Variants in WDPCP observed in about 807,000 individuals in gnomAD.
WDPCP encodes the protein WD repeat containing planar cell polarity effector, also known as WD repeat-containing and planar cell polarity effector protein fritz homolog.
In WDPCP, 71 loss-of-function variants were observed where a neutral mutation model predicts 93.1. The observed-to-expected ratio is 0.76, with a 90% CI of 0.63 to 0.93. WDPCP has a LOEUF of 0.93. Ranked by LOEUF, WDPCP falls within the 40% of genes least tolerant of loss-of-function variation. The probability of loss-of-function intolerance (pLI) is 0.00; values close to 1 mark genes in which losing one functional copy is unlikely to be tolerated. For missense variants in WDPCP, 844 were observed against 887.4 expected, an observed-to-expected ratio of 0.95 and a Z score of 0.62; for synonymous variants, 315 against 315.0, an observed-to-expected ratio of 1.00 and a Z score of 0.00.
intron 6 of WDPCP, among the ~76,000 whole-genome samples, chr2:63,462,533 T>C (rs1699086236): frequency 6.6e-6 from 1 of 151,992 alleles, no homozygotes. Flanking sequence ...AAATAAAAAA[T>C]CATTCTGACT....
intron 2 of WDPCP, among the ~76,000 whole-genome samples, chr2:63,763,810 A>G (rs1222842065): frequency 6.6e-6 from 1 of 152,158 alleles, no homozygotes; most frequent in African/African-American, 2.4e-5. Flanking sequence ...TTTTAAAAAT[A>G]GAATCTTTAA....
intron 2 of WDPCP, among the ~76,000 whole-genome samples, chr2:63,700,348 T>C (rs1388757666): frequency 2.7e-5 from 4 of 148,994 alleles, no homozygotes; most frequent in Non-Finnish European, 5.9e-5. Context: ...GCTACTTAAT[T>C]AGTACAGGCT....
intron 1 of WDPCP, among the ~76,000 whole-genome samples, chr2:63,574,594 T>G (rs952819713): frequency 6.6e-6 from 1 of 152,128 alleles, no homozygotes; most frequent in South Asian, 2.1e-4. Flanking sequence ...TGGGTAGACA[T>G]GAATAACTTA....
intron 1 of WDPCP, 63 bp from the exon 2 acceptor site, chr2:63,493,003 GATACCTTAGAAAT>G: frequency 5.9e-6 from 8 of 1,349,610 alleles, no homozygotes; most frequent in Non-Finnish European, 8.5e-6. Flanking sequence ...ATAAAACCAA[GATACCTTAGAAAT>G]AGTAAAAAGA....
chr2:63,246,268 A>C (rs955278413), intron 14 of WDPCP, among the ~76,000 whole-genome samples: 1 of 152,202 alleles, frequency 6.6e-6, no homozygotes, highest in African/African-American at 2.4e-5. Flanking sequence ...GGCATGGATC[A>C]CCAGGGCCAT....
rs575765462 is a variant in WDPCP at position 63,606,980 on chromosome 2, C to T, written n.488+43679G>A. ...GAAAGTGCTTTTGAATTTCTTTCCT[C>T]TGCCTGACTAGACAATGATGTTACT... On this transcript the variant is annotated intron_variant and non_coding_transcript_variant, in intron 3 of 4. Coordinates refer to the WDPCP transcript ENST00000467687. 6.2e-7 allele frequency: 1 copy of T among 1,611,086 alleles called. No homozygotes were observed. The highest frequency in any genetic ancestry group is 1.7e-5 in the Admixed American group (1 of 59,652).
chr2:63,560,570 T>C (rs557846853), intron 1 of WDPCP, among the ~76,000 whole-genome samples: 29 of 152,308 alleles, frequency 1.9e-4, no homozygotes, highest in African/African-American at 7.0e-4. Flanking sequence ...TAGCAAAGAC[T>C]TGGAACGAAC....
intron 3 of WDPCP, chr2:63,595,589 G>C: frequency 1.1e-6 from 1 of 925,680 alleles, no homozygotes; most frequent in Non-Finnish European, 1.7e-6. Context: ...TTAGGTTTTT[G>C]TTAAAGGCTC....
At chr2:63,633,158 C>T (rs1175172315) in intron 3 of WDPCP, among the ~76,000 whole-genome samples, 2 of 152,174 alleles carry the variant, frequency 1.3e-5, no homozygotes, top group East Asian at 1.9e-4. Context: ...GAGAGAAAGA[C>T]ATTCCCAGAC....
chr2:63,494,615 T>C (rs1701106079), intron 1 of WDPCP, among the ~76,000 whole-genome samples: 1 of 151,822 alleles, frequency 6.6e-6, no homozygotes, highest in Non-Finnish European at 1.5e-5. Flanking sequence ...ATACAGATGT[T>C]TGAGTAAAAA....
At chr2:63,652,061 G>A (rs575843319) in intron 2 of WDPCP, among the ~76,000 whole-genome samples, 1 of 152,332 alleles carries the variant, frequency 6.6e-6, no homozygotes, top group South Asian at 2.1e-4. Flanking sequence ...GTTAAATGCT[G>A]CAATTCTGAA....
rs1373248882 is a variant in WDPCP, at chr2:63,327,369, A to G, written c.1749-14058T>C. Among the ~76,000 whole-genome samples, 2 of 152,216 alleles carry G rather than the reference A, an allele frequency of 1.3e-5. 1 individual carries two copies. Among genetic ancestry groups the G allele is most frequent in the Non-Finnish European group, 2.9e-5 (2 of 68,038 alleles). ...AAGAAAAATTAAAATCCCAAACTTA[A>G]AAGGTTTTCAACTAAAGTTTGCTAA... is the stretch of plus-strand genomic sequence containing the variant. On this transcript the variant is annotated intron_variant, in intron 12 of 17. Transcript: ENST00000272321.
chr2:63,535,703 A>G (rs960925147), intron 1 of WDPCP, among the ~76,000 whole-genome samples: 2 of 152,270 alleles, frequency 1.3e-5, no homozygotes, highest in African/African-American at 4.8e-5. Flanking sequence ...CTTTATACAA[A>G]AATTAATTCG....
At chr2:63,777,606 T>C (rs1670323897) in intron 2 of WDPCP, among the ~76,000 whole-genome samples, 1 of 152,188 alleles carries the variant, frequency 6.6e-6, no homozygotes, top group Non-Finnish European at 1.5e-5. Context: ...AAACTGTTGA[T>C]ACATGCAACA....
intron 12 of WDPCP, among the ~76,000 whole-genome samples, chr2:63,326,382 G>C (rs1284458813): frequency 6.6e-6 from 1 of 152,150 alleles, no homozygotes; most frequent in South Asian, 2.1e-4. Context: ...GCAAAGGGCA[G>C]GTTATACCAT....
chr2:63,505,523 C>G (rs1187008369), intron 1 of WDPCP, among the ~76,000 whole-genome samples: 6 of 151,942 alleles, frequency 3.9e-5, no homozygotes, highest in Admixed American at 3.9e-4. Context: ...CCATGTTTTG[C>G]CCTAAAGCCC....
intron 2 of WDPCP, among the ~76,000 whole-genome samples, chr2:63,756,189 C>T (rs929606877): frequency 6.6e-6 from 1 of 152,186 alleles, no homozygotes; most frequent in African/African-American, 2.4e-5. Flanking sequence ...TTTAACAACT[C>T]AGAACTAGTC....
rs147654429 is a variant in WDPCP, at chr2:63,735,462, A to G, written n.308+78160T>C. ...TGTGGGACAAGGAGCAATGCGCCAC[A>G]GGATGGGAAACAGGGTTGAGTCAGA... is the stretch of plus-strand genomic sequence containing the variant. On this transcript the variant is annotated intron_variant and non_coding_transcript_variant, in intron 2 of 4. Coordinates refer to the WDPCP transcript ENST00000467687. 2.2e-4 allele frequency among the ~76,000 whole-genome samples: 34 copies of G among 152,342 alleles called. No homozygotes were observed. The East Asian group carries it at 5.6e-3, about 25-fold the overall frequency.
chr2:63,436,282 T>TA (rs1189764905), intron 8 of WDPCP, among the ~76,000 whole-genome samples: 2 of 152,090 alleles, frequency 1.3e-5, no homozygotes, highest in African/African-American at 2.4e-5. Context: ...TTTCCAGTTT[T>TA]AAAAAATCTA....
Sources: allele counts gnomAD v4.1 joint callset (sites outside exome capture counted in the v4.1 genomes callset), GRCh38; gene constraint gnomAD v4.1.1; transcripts MANE v1.5; gene names NCBI Gene and HGNC (gene_info 2026-07-23, HGNC 2026-07-21).